The following PHLDB2 variants were observed in gnomAD, a reference collection of about 807,000 sequenced individuals.
The protein encoded by PHLDB2 is pleckstrin homology-like domain family B member 2.
In PHLDB2, 71 loss-of-function variants were observed where a neutral mutation model predicts 123.6. The ratio of observed to expected loss-of-function variants is 0.57; its 90% CI spans 0.47 to 0.70. PHLDB2 has a LOEUF of 0.70. Among genes scored for constraint, PHLDB2 ranks in the 30% least tolerant of loss-of-function variants. The probability of loss-of-function intolerance (pLI) is 0.00; values close to 1 mark genes in which losing one functional copy is unlikely to be tolerated. For synonymous variants in PHLDB2, 547 were observed against 541.6 expected, an observed-to-expected ratio of 1.01 and a Z score of -0.14; for missense variants, 1,446 against 1,519.5, an observed-to-expected ratio of 0.95 and a Z score of 0.80.
intron 4 of PHLDB2, 130 bp from the exon 5 acceptor site, chr3:111,920,152 C>T (rs2068416845): frequency 4.0e-6 from 4 of 996,742 alleles, no homozygotes; most frequent in Admixed American, 2.8e-5. Context: ...GGAGTGTTCT[C>T]AGGCACCCGA....
chr3:111,921,654 A>C (rs950975648), intron 5 of PHLDB2, among the ~76,000 whole-genome samples: 1 of 134,790 alleles, frequency 7.4e-6, no homozygotes, highest in Non-Finnish European at 1.5e-5. Flanking sequence ...CCCAGGCTGG[A>C]GTGCAGTGGC....
At chr3:111,947,345 TACA>T (rs1344210370) in intron 9 of PHLDB2, among the ~76,000 whole-genome samples, 1 of 152,190 alleles carries the variant, frequency 6.6e-6, no homozygotes, top group Non-Finnish European at 1.5e-5. Context: ...GCTTGTTGAG[TACA>T]ACAATGAGTT....
intron 1 of PHLDB2, among the ~76,000 whole-genome samples, chr3:111,750,267 C>A (rs113421023): frequency 6.6e-6 from 1 of 152,070 alleles, no homozygotes; most frequent in Non-Finnish European, 1.5e-5. Flanking sequence ...AAGCATTGTG[C>A]GAACACAAAT....
intron 14 of PHLDB2, 121 bp from the exon 15 acceptor site, chr3:111,967,557 A>G (rs1373054157): frequency 1.9e-6 from 2 of 1,050,050 alleles, no homozygotes; most frequent in Non-Finnish European, 2.6e-6. Context: ...GTTATGTATT[A>G]TAAGAGACTA....
rs1429268624 is a variant in PHLDB2 at position 111,859,337 on chromosome 3, A to T, written c.-254A>T. The T allele has an allele frequency of 2.0e-6, 2 of 985,482 alleles. No homozygotes were observed. Among genetic ancestry groups the T allele is most frequent in the East Asian group, 2.3e-4 (2 of 8,832 alleles). The allele number at this position is 985,482 out of a possible 1,614,324, so 61.0% of individuals were successfully genotyped here. A position where few individuals can be genotyped will look rare whatever the true frequency, so the allele number is the denominator to read the frequency against. Reference sequence around the variant, plus strand: ...GGGCAAACAGCCATGCCCTTCCAGCAGCCGTGAAAGCCCCAACAGCAAACT... The same window carrying T: ...GGGCAAACAGCCATGCCCTTCCAGCTGCCGTGAAAGCCCCAACAGCAAACT... On this transcript the variant is annotated 5_prime_UTR_variant, in exon 1 of 18. Coordinates refer to ENST00000431670, the MANE Select transcript of PHLDB2 (RefSeq NM_001134438.2).
exon 2 of PHLDB2, chr3:111,845,931 T>C: frequency 6.2e-7 from 1 of 1,613,728 alleles, no homozygotes; most frequent in Non-Finnish European, 8.5e-7. Context: ...ATGTGCAACA[T>C]TTCGGTGAGA....
At chr3:111,800,761 G>GAA (rs2061346099) in intron 1 of PHLDB2, among the ~76,000 whole-genome samples, 1 of 152,208 alleles carries the variant, frequency 6.6e-6, no homozygotes, top group Admixed American at 6.5e-5. Flanking sequence ...GAGAGAGACA[G>GAA]AAACTATTTT....
chr3:111,851,194 T>TAA (rs11309576), intron 2 of PHLDB2, among the ~76,000 whole-genome samples: 124 of 103,606 alleles, frequency 1.2e-3, no homozygotes, highest in African/African-American at 3.0e-3. Context: ...GATTCTGTCT[T>TAA]AAAAAAAAAA....
rs73855624 is a variant in PHLDB2 at position 111,793,866 on chromosome 3, T to C, written c.-48-51955T>C. Among the ~76,000 whole-genome samples the C allele has an allele frequency of 6.1e-3, 931 of 151,722 alleles. 7 individuals carry two copies. The highest frequency in any genetic ancestry group is 0.021 in the African/African-American group (869 of 41,370). On this transcript the variant is annotated intron_variant, in intron 1 of 17. Coordinates refer to the PHLDB2 transcript ENST00000393923. ...GACTCTGCCTGGTGCTCTAACCTAC[T>C]GTGGCTCAGCTGGTATCCAAGTTTC...
chr3:111,933,590 G>A (rs574848270), intron 6 of PHLDB2, among the ~76,000 whole-genome samples: 2 of 152,286 alleles, frequency 1.3e-5, no homozygotes, highest in East Asian at 3.9e-4. Flanking sequence ...TTAACCATAT[G>A]TCTTCCCTTT....
chr3:111,921,748 A>G (rs375700573), intron 5 of PHLDB2, among the ~76,000 whole-genome samples: 12 of 151,982 alleles, frequency 7.9e-5, no homozygotes, highest in African/African-American at 2.9e-4. Flanking sequence ...GACTACAGGC[A>G]CCCGCCACCA....
intron 1 of PHLDB2, among the ~76,000 whole-genome samples, chr3:111,745,434 A>T (rs571844349): frequency 5.3e-5 from 8 of 152,198 alleles, no homozygotes; most frequent in Non-Finnish European, 1.2e-4. Context: ...TAATGATATT[A>T]TTCTCTCCTA....
At chr3:111,858,300 T>C (rs1224229408), upstream of PHLDB2, among the ~76,000 whole-genome samples, 1 of 151,736 alleles carries the variant, frequency 6.6e-6, no homozygotes, top group Non-Finnish European at 1.5e-5. Context: ...CTGAGGCCTG[T>C]TGGGGGGTGG....
At chr3:111,735,854 A>G (rs1236327901) in intron 1 of PHLDB2, among the ~76,000 whole-genome samples, 1 of 152,214 alleles carries the variant, frequency 6.6e-6, no homozygotes, top group Non-Finnish European at 1.5e-5. Flanking sequence ...CAGAGCTAGT[A>G]AGATGAGGTA....
At chr3:111,934,791 C>T (rs2069365905) in intron 6 of PHLDB2, among the ~76,000 whole-genome samples, 1 of 152,160 alleles carries the variant, frequency 6.6e-6, no homozygotes, top group Non-Finnish European at 1.5e-5. Flanking sequence ...TAACTCATCT[C>T]ATGTGGAAAA....
Position 111,969,908 on chromosome 3 carries a change from AG to A in PHLDB2, c.3535+1del. The A allele has an allele frequency of 6.2e-7, 1 of 1,613,606 alleles. No homozygotes were observed. Among genetic ancestry groups the A allele is most frequent in the Non-Finnish European group, 8.5e-7 (1 of 1,179,546 alleles). The part of the protein sequence containing the change: ...RNKRTFSYYA[D>X]KHETKLKGVI... Reference sequence around the variant, plus strand: ...ACAAGCGAACATTCTCTTATTATGCAGGTGGGTGATAAAAACAATTTAAGCC... The same window carrying A: ...ACAAGCGAACATTCTCTTATTATGCAGTGGGTGATAAAAACAATTTAAGCC... On this transcript the variant is annotated frameshift_variant and splice_region_variant, in exon 16 of 18. Transcript: ENST00000431670. LOFTEE classifies it high-confidence loss of function.
intron 1 of PHLDB2, among the ~76,000 whole-genome samples, chr3:111,765,321 G>C (rs2060061319): frequency 6.6e-6 from 1 of 152,150 alleles, no homozygotes; most frequent in African/African-American, 2.4e-5. Flanking sequence ...GGAAAGTATT[G>C]ACTCCAGAAC....
At chr3:111,897,397 G>A (rs2107419392) in intron 2 of PHLDB2, among the ~76,000 whole-genome samples, 1 of 152,258 alleles carries the variant, frequency 6.6e-6, no homozygotes, top group South Asian at 2.1e-4. Context: ...AGGGTTCTGA[G>A]TTATACTTAG....
chr3:111,836,923 G>T (rs749203427), intron 1 of PHLDB2, among the ~76,000 whole-genome samples: 2 of 152,128 alleles, frequency 1.3e-5, no homozygotes, highest in African/African-American at 2.4e-5. Flanking sequence ...GGGACACAGA[G>T]CCAAACCATA....
Sources: allele counts gnomAD v4.1 joint callset (sites outside exome capture counted in the v4.1 genomes callset), GRCh38; gene constraint gnomAD v4.1.1; transcripts MANE v1.5; gene names NCBI Gene and HGNC (gene_info 2026-07-23, HGNC 2026-07-21).